Variants in RPL37 observed in about 807,000 individuals in gnomAD.
RPL37 encodes large ribosomal subunit protein eL37.
Under a neutral mutation model 14.8 loss-of-function variants are expected in RPL37, and 1 was observed. The ratio of observed to expected loss-of-function variants is 0.07; its 90% CI spans 0.02 to 0.32. The LOEUF (loss-of-function observed/expected upper bound fraction) is 0.32. Ranked by LOEUF, RPL37 falls within the 10% of genes least tolerant of loss-of-function variation. The pLI, the probability that RPL37 is intolerant of heterozygous loss-of-function variation, is 1.00. For missense variants in RPL37, 100 were observed against 128.3 expected (o/e 0.78, Z 1.06); for synonymous variants, 53 against 45.8 (o/e 1.16, Z -0.63).
At chr5:40,833,651 A>G (rs1745690715) in intron 3 of RPL37, among the ~76,000 whole-genome samples, 1 of 152,208 alleles carries the variant, frequency 6.6e-6, no homozygotes, top group Non-Finnish European at 1.5e-5. Flanking sequence ...TACTGTCTTG[A>G]CAAATTTTGA....
In RPL37 at chr5:40,828,268, T is replaced by A. The variant is rs1745559941; in HGVS notation, c.*4236A>T. 6.6e-6 allele frequency: 1 copy of A among 152,236 alleles called. No individual in the cohort carries two copies. The highest frequency in any genetic ancestry group is 1.5e-5 in the Non-Finnish European group (1 of 68,054). 9.4% of individuals were successfully genotyped at this position (152,236 alleles called of 1,614,324 possible). A position where few individuals can be genotyped will look rare whatever the true frequency, so the allele number is the denominator to read the frequency against. ...CCCACTGTCTATTACGCTCGTGGTA[T>A]CCTTGTCTTACACACTTATCACTAT... On this transcript the variant is annotated 3_prime_UTR_variant, in exon 4 of 4. Transcript: ENST00000274242.
rs1745655563 is a variant in RPL37 at position 40,832,234 on chromosome 5, G to A, written c.*270C>T. On this transcript the variant is annotated 3_prime_UTR_variant, in exon 4 of 4. Transcript: ENST00000274242. ...CACATGAGCTGTGCTATTTTAATCT[G>A]CTATATTGTCTTCCAGTGCCCTCTG... 6.8e-6 allele frequency: 3 copies of A among 443,926 alleles called. No individual in the cohort carries two copies. Among genetic ancestry groups the A allele is most frequent in the Non-Finnish European group, 1.3e-5 (3 of 236,496 alleles). The allele number at this position is 443,926 out of a possible 1,614,324, so 27.5% of individuals were successfully genotyped here. A position where few individuals can be genotyped will look rare whatever the true frequency, so the allele number is the denominator to read the frequency against.
At chr5:40,835,131 C>A (rs1579795352) in intron 1 of RPL37, 52 bp downstream of exon 1, 13 of 1,613,392 alleles carry the variant, frequency 8.1e-6, no homozygotes, top group Admixed American at 1.7e-5. Flanking sequence ...AACAGAGAGG[C>A]ACAAAGGACG....
rs1211825517 is a variant in RPL37 at position 40,826,741 on chromosome 5, GA to G, written c.*5762del. 1.3e-5 allele frequency: 2 copies of G among 152,188 alleles called. No individual in the cohort carries two copies. The highest frequency in any genetic ancestry group is 4.8e-5 in the African/African-American group (2 of 41,448). The allele number at this position is 152,188 out of a possible 1,614,324, so 9.4% of individuals were successfully genotyped here. On this transcript the variant is annotated 3_prime_UTR_variant, in exon 4 of 4. Transcript: ENST00000274242. ...GCATAAAATAGCCCCCAGAGGTAAA[GA>G]AAACCTCAGGACTGAGGCTGGATAC...
At chr5:40,834,022 G>A in intron 3 of RPL37, 159 bp downstream of exon 3, 1 of 625,080 alleles carries the variant, frequency 1.6e-6, no homozygotes, top group Non-Finnish European at 2.8e-6. Context: ...TCAAGCCTGG[G>A]CAACATAGTG....
rs564721456 is a variant in RPL37, at chr5:40,835,065, T to C, written c.3+118A>G. On this transcript the variant is annotated intron_variant, in intron 1 of 3. Coordinates refer to ENST00000274242, the MANE Select transcript of RPL37 (RefSeq NM_000997.5). ...GCTCTTGAGGGCCACCGCATGCCTC[T>C]TTCCAGCCCACCAGTTCCCCTTATC... 90 of 1,441,854 alleles carry C rather than the reference T, an allele frequency of 6.2e-5. 1 individual carries two copies. The East Asian group carries it at 1.6e-3, about 26-fold the overall frequency. The allele number at this position is 1,441,854 out of a possible 1,614,324, so 89.3% of individuals were successfully genotyped here. A position where few individuals can be genotyped will look rare whatever the true frequency, so the allele number is the denominator to read the frequency against.
chr5:40,826,854 T>G lies in RPL37; in HGVS notation c.*5650A>C, dbSNP rs1453368839. ...GTGCAGTGGCACAATCAAGGTTCAC[T>G]GCAGCCTTGACCTCCCAGGCTCAAG... is the stretch of plus-strand genomic sequence containing the variant. On this transcript the variant is annotated 3_prime_UTR_variant, in exon 4 of 4. Coordinates refer to ENST00000274242, the MANE Select transcript of RPL37 (RefSeq NM_000997.5). 1 of 152,392 alleles carries G rather than the reference T, an allele frequency of 6.6e-6. No homozygotes were observed. Among genetic ancestry groups the G allele is most frequent in the Non-Finnish European group, 1.5e-5 (1 of 68,186 alleles). The allele number at this position is 152,392 out of a possible 1,614,324, so 9.4% of individuals were successfully genotyped here. A position where few individuals can be genotyped will look rare whatever the true frequency, so the allele number is the denominator to read the frequency against.
chr5:40,831,493 C>T lies in RPL37; in HGVS notation c.*1011G>A, dbSNP rs1745639102. 6.6e-6 allele frequency: 1 copy of T among 152,230 alleles called. No homozygotes were observed. Among genetic ancestry groups the T allele is most frequent in the South Asian group, 2.1e-4 (1 of 4,826 alleles). The allele number at this position is 152,230 out of a possible 1,614,324, so 9.4% of individuals were successfully genotyped here. ...GTTACAAGTAAAAGTGATACCCTTC[C>T]AAGGCCAGGTTAAGAACCTCAGATG... On this transcript the variant is annotated 3_prime_UTR_variant, in exon 4 of 4. Coordinates refer to ENST00000274242, the MANE Select transcript of RPL37 (RefSeq NM_000997.5).
rs967400230 is a variant in RPL37 at position 40,831,645 on chromosome 5, T to C, written c.*859A>G. 2 of 152,326 alleles carry C rather than the reference T, an allele frequency of 1.3e-5. No individual in the cohort carries two copies. Among genetic ancestry groups the C allele is most frequent in the African/African-American group, 4.8e-5 (2 of 41,460 alleles). The allele number at this position is 152,326 out of a possible 1,614,324, so 9.4% of individuals were successfully genotyped here. The stretch of plus-strand genomic sequence containing the variant: ...CCTGCCCTCTCACTCAGCAGTCCAG[T>C]TGACTTTGTCCCTTCATTTTAAAAA... On this transcript the variant is annotated 3_prime_UTR_variant, in exon 4 of 4. Transcript: ENST00000274242.
rs560425918 is a variant in RPL37, at chr5:40,828,813, G to C, written c.*3691C>G. 8.2e-4 allele frequency: 125 copies of C among 152,206 alleles called. No homozygotes were observed. The highest frequency in any genetic ancestry group is 2.9e-3 in the African/African-American group (121 of 41,500). 9.4% of individuals were successfully genotyped at this position (152,206 alleles called of 1,614,324 possible). ...GAGTCAGAGGGCAGAAAACACATCTGGTTTTGCTCCCACTGTATCTCTAAC... is the reference window on the plus strand; with the variant it reads ...GAGTCAGAGGGCAGAAAACACATCTCGTTTTGCTCCCACTGTATCTCTAAC... On this transcript the variant is annotated 3_prime_UTR_variant, in exon 4 of 4. Transcript: ENST00000274242.
At chr5:40,833,885 A>G in intron 3 of RPL37, 1 of 333,604 alleles carries the variant, frequency 3.0e-6, no homozygotes, top group Non-Finnish European at 5.6e-6. Context: ...TCTCTACAAT[A>G]AATACAAAAA....
At chr5:40,834,686 A>C in intron 1 of RPL37, 80 bp from the exon 2 acceptor site, 2 of 1,470,384 alleles carry the variant, frequency 1.4e-6, no homozygotes, top group South Asian at 1.3e-5. Context: ...CCAATTACTG[A>C]TAAAATTTAA....
intron 1 of RPL37, 23 bp downstream of exon 1, chr5:40,835,160 C>CA (rs774687491): frequency 7.4e-6 from 12 of 1,613,964 alleles, no homozygotes; most frequent in Non-Finnish European, 1.0e-5. Context: ...ACGCGATTCA[C>CA]AAACACCACA....
chr5:40,834,468 T>C lies in RPL37; in HGVS notation c.139+3A>G, dbSNP rs775604520. ...CACAGTTGGCCTGAAAAATGTTACT[T>C]ACACTTTCTCTTGCGCTTGGCAGGG... is the stretch of plus-strand genomic sequence containing the variant. On this transcript the variant is annotated splice_donor_region_variant and intron_variant, in intron 2 of 3. Transcript: ENST00000274242. The C allele has an allele frequency of 5.6e-6, 9 of 1,612,464 alleles. No individual in the cohort carries two copies. The East Asian group carries it at 2.0e-4, about 36-fold the overall frequency.
Position 40,835,187 on chromosome 5 carries a change from T to A in RPL37, c.-2A>T, listed in dbSNP as rs747272219. The A allele has an allele frequency of 4.3e-6, 7 of 1,614,048 alleles. No homozygotes were observed. The highest frequency in any genetic ancestry group is 5.1e-6 in the Non-Finnish European group (6 of 1,180,018). On this transcript the variant is annotated 5_prime_UTR_variant, in exon 1 of 4. Coordinates refer to ENST00000274242, the MANE Select transcript of RPL37 (RefSeq NM_000997.5). Reference sequence around the variant, plus strand: ...AACACCACAGTCACAACTCACCATCTCGCTTCTGCGGCCGAGACCAGAAAG... The same window carrying A: ...AACACCACAGTCACAACTCACCATCACGCTTCTGCGGCCGAGACCAGAAAG...
intron 3 of RPL37, 94 bp from the exon 4 acceptor site, chr5:40,832,667 G>C: frequency 1.1e-6 from 1 of 908,010 alleles, no homozygotes; most frequent in South Asian, 1.3e-5. Context: ...GCTTATCTCA[G>C]TTAAATGCTG....
rs896868558 is a variant in RPL37 at position 40,831,348 on chromosome 5, T to A, written c.*1156A>T. 6.6e-6 allele frequency: 1 copy of A among 152,288 alleles called. No homozygotes were observed. Among genetic ancestry groups the A allele is most frequent in the Non-Finnish European group, 1.5e-5 (1 of 68,036 alleles). The allele number at this position is 152,288 out of a possible 1,614,324, so 9.4% of individuals were successfully genotyped here. On this transcript the variant is annotated 3_prime_UTR_variant, in exon 4 of 4. Transcript: ENST00000274242. ...ATTTCGGGAGGAAGCCCAAGAGAGA[T>A]TTAATCAGCAGGGTTTCTTTATAAG...
In RPL37 at chr5:40,829,236, T is replaced by C. The variant is rs1028907787; in HGVS notation, c.*3268A>G. ...GCCTTAGTCTGTCATGATTTTCACA[T>C]GAACTATTTAAGAACCTGTTACCTA... On this transcript the variant is annotated 3_prime_UTR_variant, in exon 4 of 4. Coordinates refer to ENST00000274242, the MANE Select transcript of RPL37 (RefSeq NM_000997.5). 4.6e-5 allele frequency: 7 copies of C among 152,248 alleles called. No individual in the cohort carries two copies. Among genetic ancestry groups the C allele is most frequent in the Admixed American group, 6.5e-5 (1 of 15,286 alleles). 9.4% of individuals were successfully genotyped at this position (152,248 alleles called of 1,614,324 possible). A position where few individuals can be genotyped will look rare whatever the true frequency, so the allele number is the denominator to read the frequency against.
Position 40,832,383 on chromosome 5 carries a change from TC to T in RPL37, c.*120del. On this transcript the variant is annotated 3_prime_UTR_variant, in exon 4 of 4. Coordinates refer to ENST00000274242, the MANE Select transcript of RPL37 (RefSeq NM_000997.5). Reference sequence around the variant, plus strand: ...TAAATCTGATATGAAGCTAGCCCAGTCCCTAAACCTACAGTATTTCACTGAT... The same window carrying T: ...TAAATCTGATATGAAGCTAGCCCAGTCCTAAACCTACAGTATTTCACTGAT... 2.4e-6 allele frequency: 2 copies of T among 850,006 alleles called. No individual in the cohort carries two copies. The highest frequency in any genetic ancestry group is 4.1e-6 in the Non-Finnish European group (2 of 491,294). 52.7% of individuals were successfully genotyped at this position (850,006 alleles called of 1,614,324 possible).
Sources: allele counts gnomAD v4.1 joint callset (sites outside exome capture counted in the v4.1 genomes callset), GRCh38; gene constraint gnomAD v4.1.1; transcripts MANE v1.5; gene names NCBI Gene and HGNC (gene_info 2026-07-23, HGNC 2026-07-21).